Variants in NCAM2 observed in about 807,000 individuals in gnomAD.
NCAM2 encodes the protein N-CAM-2.
Under a neutral mutation model 98.1 loss-of-function variants are expected in NCAM2, and 30 were observed. That is an observed-to-expected ratio of 0.31 (90% CI 0.23 to 0.41). The LOEUF is 0.41. NCAM2 is among the 10% of genes least tolerant of loss of function. NCAM2 has a pLI of 1.00. For synonymous variants in NCAM2, 368 were observed against 342.4 expected, an observed-to-expected ratio of 1.07 and a Z score of -0.83; for missense variants, 867 against 1,005.8, an observed-to-expected ratio of 0.86 and a Z score of 1.87.
intron 1 of NCAM2, among the ~76,000 whole-genome samples, chr21:21,001,363 A>C (rs1158295982): frequency 6.6e-6 from 1 of 152,194 alleles, no homozygotes; most frequent in African/African-American, 2.4e-5. Flanking sequence ...TTAATGTATA[A>C]TGAAGTAAGG....
chr21:21,453,241 G>A (rs990741720), intron 12 of NCAM2, among the ~76,000 whole-genome samples: 4 of 150,462 alleles, frequency 2.7e-5, no homozygotes, highest in Non-Finnish European at 4.4e-5. Context: ...AAGTGGGGGT[G>A]GGAATGGGGA....
intron 1 of NCAM2, among the ~76,000 whole-genome samples, chr21:21,158,470 G>T (rs1216473141): frequency 1.3e-5 from 2 of 152,038 alleles, no homozygotes; most frequent in African/African-American, 4.8e-5. Flanking sequence ...AATTAGCTGG[G>T]CGTTGTGGCA....
intron 8 of NCAM2, among the ~76,000 whole-genome samples, chr21:21,352,743 G>GAATGTAT (rs1452911704): frequency 1.5e-5 from 2 of 130,922 alleles, no homozygotes; most frequent in East Asian, 4.6e-4. Context: ...ACATTTAGAA[G>GAATGTAT]AATGTATAAC....
At chr21:21,054,045 A>G (rs888122520) in intron 1 of NCAM2, among the ~76,000 whole-genome samples, 2 of 151,836 alleles carry the variant, frequency 1.3e-5, no homozygotes, top group Non-Finnish European at 2.9e-5. Context: ...TATTTACTCC[A>G]TACCAACATC....
chr21:21,009,918 T>TG (rs1568923305), intron 1 of NCAM2, among the ~76,000 whole-genome samples: 17 of 151,322 alleles, frequency 1.1e-4, no homozygotes, highest in Middle Eastern at 3.4e-3. Context: ...TGTGTGTGTG[T>TG]TTTAATGATT....
At chr21:21,471,032 G>C (rs1365411092) in intron 14 of NCAM2, among the ~76,000 whole-genome samples, 1 of 151,592 alleles carries the variant, frequency 6.6e-6, no homozygotes, top group Non-Finnish European at 1.5e-5. Flanking sequence ...TAGAGAATTT[G>C]AGTGACTTGG....
chr21:21,016,393 G>A (rs151209824), intron 1 of NCAM2, among the ~76,000 whole-genome samples: 23 of 151,784 alleles, frequency 1.5e-4, no homozygotes, highest in South Asian at 4.2e-4. Context: ...TATGCGCTTC[G>A]TATGTGTGAT....
chr21:21,021,240 T>G (rs769819152), intron 1 of NCAM2, among the ~76,000 whole-genome samples: 1 of 151,988 alleles, frequency 6.6e-6, no homozygotes, highest in Admixed American at 6.6e-5. Context: ...TTTAAAGGGG[T>G]CCTTATTAAG....
At chr21:21,240,872 G>T (rs1020263073) in intron 1 of NCAM2, among the ~76,000 whole-genome samples, 1 of 152,060 alleles carries the variant, frequency 6.6e-6, no homozygotes, top group African/African-American at 2.4e-5. Flanking sequence ...GGATTTTGAG[G>T]ATTAATTAAT....
intron 1 of NCAM2, among the ~76,000 whole-genome samples, chr21:21,167,826 A>C (rs185007364): frequency 4.5e-4 from 69 of 152,316 alleles, no homozygotes; most frequent in African/African-American, 1.6e-3. Context: ...AAGTAATACA[A>C]AATAGAGAGT....
At chr21:21,533,419 T>C (rs922347564) in intron 16 of NCAM2, among the ~76,000 whole-genome samples, 6 of 151,864 alleles carry the variant, frequency 4.0e-5, no homozygotes, top group African/African-American at 1.4e-4. Context: ...TTAGTAAATA[T>C]ATTTAAAGTT....
chr21:21,456,709 A>G (rs369165900), intron 12 of NCAM2, among the ~76,000 whole-genome samples: 1 of 152,186 alleles, frequency 6.6e-6, no homozygotes, highest in African/African-American at 2.4e-5. Flanking sequence ...ATTGAAACCT[A>G]GTCCTCAATG....
At chr21:21,193,249 A>T (rs1402345845) in intron 1 of NCAM2, among the ~76,000 whole-genome samples, 1 of 152,084 alleles carries the variant, frequency 6.6e-6, no homozygotes, top group Non-Finnish European at 1.5e-5. Context: ...GGTATGCAAT[A>T]TTGGTATTTT....
chr21:21,511,952 T>C (rs1336710567), intron 16 of NCAM2, among the ~76,000 whole-genome samples: 3 of 151,986 alleles, frequency 2.0e-5, no homozygotes, highest in Admixed American at 6.6e-5. Flanking sequence ...ATTTGTTTTG[T>C]TTTTTTCCTG....
At chr21:21,489,036 GC>G (rs1228591604) in intron 15 of NCAM2, among the ~76,000 whole-genome samples, 1 of 151,792 alleles carries the variant, frequency 6.6e-6, no homozygotes, top group Admixed American at 6.6e-5. Flanking sequence ...TGTCGCCCAA[GC>G]TGGAGTGCAG....
At chr21:21,342,370 G>A (rs2075066240) in intron 8 of NCAM2, among the ~76,000 whole-genome samples, 1 of 152,282 alleles carries the variant, frequency 6.6e-6, no homozygotes, top group South Asian at 2.1e-4. Flanking sequence ...TGCTACTAAT[G>A]TTGCTTGTAG....
intron 1 of NCAM2, among the ~76,000 whole-genome samples, chr21:21,044,044 T>TGTG (rs751574395): frequency 6.6e-6 from 1 of 151,480 alleles, no homozygotes; most frequent in East Asian, 1.9e-4. Flanking sequence ...TTTGTGTGTG[T>TGTG]GTGTGTGGCA....
chr21:21,140,548 A>G (rs1327684875), intron 1 of NCAM2, among the ~76,000 whole-genome samples: 1 of 152,202 alleles, frequency 6.6e-6, no homozygotes, highest in Non-Finnish European at 1.5e-5. Flanking sequence ...AATCTTAAAA[A>G]TCATCTGAGA....
chr21:21,377,739 T>C (rs2076064800), intron 9 of NCAM2, among the ~76,000 whole-genome samples: 1 of 151,962 alleles, frequency 6.6e-6, no homozygotes, highest in Non-Finnish European at 1.5e-5. Flanking sequence ...AAGCACATTA[T>C]TGACTGTAGT....
Sources: allele counts gnomAD v4.1 joint callset (sites outside exome capture counted in the v4.1 genomes callset), GRCh38; gene constraint gnomAD v4.1.1; transcripts MANE v1.5; gene names NCBI Gene and HGNC (gene_info 2026-07-23, HGNC 2026-07-21).